CP: variants seen among roughly 807,000 people sequenced by gnomAD.
CP encodes the protein ceruloplasmin.
In CP, 64 loss-of-function variants were observed where a neutral mutation model predicts 122.4. The ratio of observed to expected loss-of-function variants is 0.52; its 90% CI spans 0.43 to 0.64. The LOEUF is 0.64. Among genes scored for constraint, CP ranks in the 30% least tolerant of loss-of-function variants. CP has a pLI of 0.00. For synonymous variants in CP, 440 were observed against 436.4 expected (o/e 1.01, Z -0.10); for missense variants, 1,167 against 1,284.4 (o/e 0.91, Z 1.40).
At chr3:149,203,186 C>T (rs1378256101) in intron 6 of CP, among the ~76,000 whole-genome samples, 2 of 152,150 alleles carry the variant, frequency 1.3e-5, no homozygotes, top group East Asian at 1.9e-4. Context: ...AGATTACAGG[C>T]GTAAGCCACT....
At chr3:149,209,523 G>A in intron 3 of CP, 139 bp from the exon 4 acceptor site, 1 of 874,532 alleles carries the variant, frequency 1.1e-6, no homozygotes, top group South Asian at 1.8e-5. Flanking sequence ...AGTCACTCCT[G>A]TTTTACAGAC....
At chr3:149,184,121 T>C (rs762343129) in intron 12 of CP, among the ~76,000 whole-genome samples, 6 of 138,128 alleles carry the variant, frequency 4.3e-5, no homozygotes, top group African/African-American at 1.0e-4. Context: ...CTGCAAGCTC[T>C]GCCTCCCGGG....
intron 2 of CP, among the ~76,000 whole-genome samples, chr3:149,212,110 G>A (rs552350834): frequency 2.0e-4 from 31 of 151,778 alleles, no homozygotes; most frequent in Non-Finnish European, 4.0e-4. Flanking sequence ...TGGCTAACAC[G>A]GTGAAACCCC....
intron 12 of CP, 117 bp from the exon 13 acceptor site, chr3:149,183,722 A>C (rs1725943219): frequency 1.4e-6 from 1 of 723,962 alleles, no homozygotes; most frequent in Non-Finnish European, 2.2e-6. Flanking sequence ...TAGTAGTTTT[A>C]AATCATCACT....
At chr3:149,167,995 T>A (rs951761745), downstream of CP, 5 of 1,391,724 alleles carry the variant, frequency 3.6e-6, no homozygotes, top group Non-Finnish European at 4.1e-6. Context: ...TAAAATGATT[T>A]TTTTTTTGCT....
At position 149,202,099 on chromosome 3, in the gene CP, C is replaced by T; in HGVS notation, c.1348+3G>A. On this transcript the variant is annotated splice_donor_region_variant and intron_variant, in intron 7 of 18. Transcript: ENST00000264613. ...CAGCCATATATATTCTGCAAGAACT[C>T]ACCCAGGATGCCAAGATGCTCTTCT... 6.2e-7 allele frequency: 1 copy of T among 1,614,050 alleles called. No individual in the cohort carries two copies. The highest frequency in any genetic ancestry group is 8.5e-7 in the Non-Finnish European group (1 of 1,179,930).
At chr3:149,203,077 T>G (rs1727458626) in intron 6 of CP, among the ~76,000 whole-genome samples, 1 of 151,418 alleles carries the variant, frequency 6.6e-6, no homozygotes, top group Non-Finnish European at 1.5e-5. Flanking sequence ...CGGCTAATTT[T>G]TTGTATTTTT....
At chr3:149,164,000 G>A (rs1724159124) in intron 5 of CP, 3 of 960,244 alleles carry the variant, frequency 3.1e-6, no homozygotes, top group Admixed American at 1.8e-5. Context: ...ACAATATAGT[G>A]TAAGATTAAA....
chr3:149,218,752 C>T (rs1485910473), intron 1 of CP, among the ~76,000 whole-genome samples: 3 of 152,004 alleles, frequency 2.0e-5, no homozygotes, highest in African/African-American at 7.3e-5. Flanking sequence ...TTAGTGTCTC[C>T]TATATTCTAG....
intron 3 of CP, among the ~76,000 whole-genome samples, chr3:149,209,634 A>C (rs1727974166): frequency 6.6e-6 from 1 of 152,150 alleles, no homozygotes; most frequent in Non-Finnish European, 1.5e-5. Context: ...GCTTTTTGGC[A>C]AATGGGAAGA....
chr3:149,202,218 T>C lies in CP; in HGVS notation c.1232A>G (p.Gln411Arg). The change falls in exon 7 of 19, where the codon CAA (glutamine) becomes CGA (arginine). Residue 411 changes from glutamine to arginine, a missense_variant. By Grantham distance (43) the Gln-to-Arg change is conservative. Around this residue, in one of 2 missense-constraint regions of CP, gnomAD observed 642 missense variants for 627.3 expected, o/e 1.02. Coordinates refer to ENST00000264613, the MANE Select transcript of CP (RefSeq NM_000096.4). ...AGAGCCTCCAATTCTTGTGGTACCT[T>C]GTTCAAAAAACACCGCTGAGTCACT... ...PGSDSAVFFE[Q>R]GTTRIGGSYK... 2 of 1,614,188 alleles carry C rather than the reference T, an allele frequency of 1.2e-6. No homozygotes were observed. Among genetic ancestry groups the C allele is most frequent in the Non-Finnish European group, 1.7e-6 (2 of 1,180,012 alleles).
At position 149,207,578 on chromosome 3, in the gene CP, G is replaced by A. The variant is rs749665387; in HGVS notation, c.821C>T (p.Ser274Phe). 8 of 1,613,820 alleles carry A rather than the reference G, an allele frequency of 5.0e-6. No individual in the cohort carries two copies. The Admixed American group carries it at 6.7e-5, about 13-fold the overall frequency. Reference sequence around the variant, plus strand: ...TTTTACTCTGTCTTCAGCACACATGGAGAGTCCTGGGAGACTTCCAAAAGT... The same window carrying A: ...TTTTACTCTGTCTTCAGCACACATGAAGAGTCCTGGGAGACTTCCAAAAGT... ...GYTFGSLPGLSMCAEDRVKWY... is the reference protein window; with the variant it reads ...GYTFGSLPGLFMCAEDRVKWY... Residue 274 changes from serine to phenylalanine, a missense_variant, in exon 5 of 19, where the codon TCC (serine) becomes TTC (phenylalanine). Physicochemically the swap from Ser to Phe is radical, Grantham distance 155 (BLOSUM62 -2). This residue lies in a region of CP where 642 missense variants were observed against 627.3 expected (regional missense o/e 1.02). Coordinates refer to ENST00000264613, the MANE Select transcript of CP (RefSeq NM_000096.4).
intron 18 of CP, 59 bp downstream of exon 18, chr3:149,176,191 T>C (rs747733566): frequency 6.6e-7 from 1 of 1,506,030 alleles, no homozygotes. Context: ...TTAGGCAAAG[T>C]AGTTCCTTTA....
intron 9 of CP, among the ~76,000 whole-genome samples, chr3:149,191,503 A>C (rs964670201): frequency 6.6e-6 from 1 of 151,640 alleles, no homozygotes; most frequent in Non-Finnish European, 1.5e-5. Flanking sequence ...AAGCACAACC[A>C]CTAGCCAATT....
intron 7 of CP, 73 bp downstream of exon 7, chr3:149,202,029 T>C: frequency 6.3e-7 from 1 of 1,589,476 alleles, no homozygotes. Context: ...GGTCCTGAAG[T>C]TACTATTCTT....
rs201723956 is a variant in CP at position 149,202,160 on chromosome 3, A to G, written c.1290T>C (p.Asp430=). ...YKKLVYREYT[D]ASFTNRKERG... is the part of the protein sequence containing the mutation. ...TCTCCTTTCGATTTGTGAAGGAGGC[A>G]TCTGTGTACTCACGATAAACCAGCT... is the stretch of plus-strand genomic sequence containing the variant. The change falls in exon 7 of 19, where the codon GAT becomes GAC. Residue 430 remains aspartate (D), a synonymous_variant. Coordinates refer to ENST00000264613, the MANE Select transcript of CP (RefSeq NM_000096.4). 9 of 1,614,052 alleles carry G rather than the reference A, an allele frequency of 5.6e-6. No individual in the cohort carries two copies. Among genetic ancestry groups the G allele is most frequent in the Non-Finnish European group, 7.6e-6 (9 of 1,180,026 alleles).
rs34861155 is a variant in CP, at chr3:149,183,620, C to T, written c.2286-15G>A. 29 of 986,228 alleles carry T rather than the reference C, an allele frequency of 2.9e-5. No homozygotes were observed. Among genetic ancestry groups the T allele is most frequent in the Non-Finnish European group, 3.6e-5 (26 of 722,604 alleles). The allele number at this position is 986,228 out of a possible 1,614,324, so 61.1% of individuals were successfully genotyped here. A position where few individuals can be genotyped will look rare whatever the true frequency, so the allele number is the denominator to read the frequency against. ...CATTTGAAACACTTAAAAAAAAAAA[C>T]AACTAAGGTTAGTATTTGTCTTAAT... On this transcript the variant is annotated splice_polypyrimidine_tract_variant and intron_variant, in intron 12 of 18. Transcript: ENST00000264613.
chr3:149,212,348 C>A, intron 2 of CP, 103 bp downstream of exon 2: 3 of 1,183,052 alleles, frequency 2.5e-6, no homozygotes, highest in South Asian at 2.9e-5. Flanking sequence ...AGCTGAATGG[C>A]AGTTATATGT....
intron 1 of CP, among the ~76,000 whole-genome samples, chr3:149,220,423 A>C (rs1261498467): frequency 6.6e-6 from 1 of 152,056 alleles, no homozygotes; most frequent in Non-Finnish European, 1.5e-5. Context: ...ATGCAAAATA[A>C]TGTTTCTGGT....
Sources: allele counts gnomAD v4.1 joint callset (sites outside exome capture counted in the v4.1 genomes callset), GRCh38; gene constraint gnomAD v4.1.1; regional missense constraint gnomAD v4.1.1; transcripts MANE v1.5; gene names NCBI Gene and HGNC (gene_info 2026-07-23, HGNC 2026-07-21).